Variants in VPS13B observed in about 807,000 individuals in gnomAD.
VPS13B encodes intermembrane lipid transfer protein VPS13B.
In VPS13B, 285 loss-of-function variants were observed where a neutral mutation model predicts 426.4. The ratio of observed to expected loss-of-function variants is 0.67; its 90% confidence interval spans 0.61 to 0.74. VPS13B has a LOEUF of 0.74. Ranked by LOEUF, VPS13B falls within the 30% of genes least tolerant of loss-of-function variation. The probability of loss-of-function intolerance (pLI) is 0.00; values close to 1 mark genes in which losing one functional copy is unlikely to be tolerated. For missense variants in VPS13B, 4,537 were observed against 4,782.6 expected (o/e 0.95, Z 1.51); for synonymous variants, 1,676 against 1,676.4 (o/e 1.00, Z 0.01).
intron 9 of VPS13B, 104 bp downstream of exon 9, chr8:99,134,831 ATGTT>A (rs1176679111): frequency 8.4e-7 from 1 of 1,195,486 alleles, no homozygotes; most frequent in African/African-American, 1.5e-5. Context: ...TACAAGTAAG[ATGTT>A]TGTTTCTTAT....
intron 17 of VPS13B, among the ~76,000 whole-genome samples, chr8:99,256,414 GA>G (rs1272001430): frequency 6.6e-6 from 1 of 152,124 alleles, no homozygotes; most frequent in African/African-American, 2.4e-5. Flanking sequence ...CACATACTTA[GA>G]AGTACAATTG....
At chr8:99,236,315 T>A (rs1346378898) in intron 17 of VPS13B, among the ~76,000 whole-genome samples, 2 of 152,070 alleles carry the variant, frequency 1.3e-5, no homozygotes, top group Non-Finnish European at 2.9e-5. Flanking sequence ...AGTGGCGTGA[T>A]CTCAGCTCAC....
chr8:99,437,781 A>G (rs1408042140), intron 22 of VPS13B, among the ~76,000 whole-genome samples: 3 of 152,154 alleles, frequency 2.0e-5, no homozygotes, highest in African/African-American at 2.4e-5. Flanking sequence ...ATAGATTAGC[A>G]TAAGTTCACC....
intron 2 of VPS13B, among the ~76,000 whole-genome samples, chr8:99,035,636 G>A (rs1024656815): frequency 1.3e-5 from 2 of 152,150 alleles, no homozygotes; most frequent in Admixed American, 6.5e-5. Flanking sequence ...TTGAACATGG[G>A]TGTGTGAATA....
chr8:99,251,259 A>G (rs563665405), intron 17 of VPS13B, among the ~76,000 whole-genome samples: 1 of 152,316 alleles, frequency 6.6e-6, no homozygotes, highest in Admixed American at 6.5e-5. Flanking sequence ...ATAATGGAAA[A>G]CATTCAGTCT....
intron 43 of VPS13B, chr8:99,799,122 A>G (rs1813003185): frequency 6.6e-6 from 1 of 152,324 alleles, no homozygotes; most frequent in East Asian, 1.9e-4. Context: ...AGAGCTTGTT[A>G]TTTAAAGGTC....
At chr8:99,082,501 C>G (rs965711351) in intron 3 of VPS13B, among the ~76,000 whole-genome samples, 1 of 152,092 alleles carries the variant, frequency 6.6e-6, no homozygotes, top group African/African-American at 2.4e-5. Context: ...CTTTTGTTGC[C>G]ATTGCTTTTG....
chr8:99,331,563 GTA>G (rs1287001201), intron 19 of VPS13B, among the ~76,000 whole-genome samples: 2 of 151,662 alleles, frequency 1.3e-5, no homozygotes, highest in Non-Finnish European at 3.0e-5. Context: ...TACTTTACTA[GTA>G]AATCAAGAAA....
At position 99,868,001 on chromosome 8, in the gene VPS13B, T is replaced by C. The variant is rs188550640; in HGVS notation, c.11216-288T>C. 8.3e-4 allele frequency: 324 copies of C among 391,372 alleles called. 1 individual carries two copies. Among genetic ancestry groups the C allele is most frequent in the Non-Finnish European group, 1.8e-4 (37 of 205,552 alleles). 24.2% of individuals were successfully genotyped at this position (391,372 alleles called of 1,614,324 possible). A position where few individuals can be genotyped will look rare whatever the true frequency, so the allele number is the denominator to read the frequency against. On this transcript the variant is annotated intron_variant, in intron 58 of 61. Transcript: ENST00000357162. ...TGCCTGACTTCTGAGGAAAGATGTA[T>C]GGATGACACTCTGAATAGCCTGACA...
At chr8:99,822,780 A>G (rs1024838848) in intron 50 of VPS13B, among the ~76,000 whole-genome samples, 1 of 152,198 alleles carries the variant, frequency 6.6e-6, no homozygotes, top group African/African-American at 2.4e-5. Context: ...TATTTATCAG[A>G]TTAGAAATTA....
At chr8:99,191,337 C>T (rs1196967526) in intron 16 of VPS13B, among the ~76,000 whole-genome samples, 1 of 149,642 alleles carries the variant, frequency 6.7e-6, no homozygotes, top group African/African-American at 2.5e-5. Context: ...GTCCCACGTC[C>T]CATTAAAGCT....
At position 99,103,099 on chromosome 8, in the gene VPS13B, C is replaced by T. The variant is rs367561688; in HGVS notation, c.559C>T (p.Arg187Cys). 58 of 1,613,762 alleles carry T rather than the reference C, an allele frequency of 3.6e-5. No homozygotes were observed. The highest frequency in any genetic ancestry group is 4.7e-5 in the Non-Finnish European group (56 of 1,179,910). Residue 187 changes from arginine to cysteine, a missense_variant, in exon 5 of 62, where the codon CGT (arginine) becomes TGT (cysteine). This residue lies in a region of VPS13B where 226 missense variants were observed against 308.3 expected (regional missense o/e 0.73). Coordinates refer to ENST00000357162, the MANE Select transcript of VPS13B (RefSeq NM_152564.5). ...ECYTVGELWD[R>C]AFMDISATDL... ...TTATACAGTAGGTGAATTATGGGATCGTGCATTCATGGATATTTCTGGTGA... is the reference window on the plus strand; with the variant it reads ...TTATACAGTAGGTGAATTATGGGATTGTGCATTCATGGATATTTCTGGTGA...
Position 99,848,883 on chromosome 8 carries a change from C to T in VPS13B, c.10050C>T (p.Thr3350=). 2 of 1,613,852 alleles carry T rather than the reference C, an allele frequency of 1.2e-6. No individual in the cohort carries two copies. Among genetic ancestry groups the T allele is most frequent in the Non-Finnish European group, 1.7e-6 (2 of 1,179,748 alleles). The change falls in exon 55 of 62, where the codon ACC becomes ACT. Residue 3350 remains threonine (T), a synonymous_variant. Coordinates refer to ENST00000357162, the MANE Select transcript of VPS13B (RefSeq NM_152564.5). ...AAGGAAAAGCAGGACCTATTTTAAC[C>T]AATACCAACAGGTAGGTTTAATTAT... ...APEGKAGPIL[T]NTNRAPEKIV...
chr8:99,369,789 G>A (rs1452734628), intron 19 of VPS13B, among the ~76,000 whole-genome samples: 1 of 152,088 alleles, frequency 6.6e-6, no homozygotes, highest in Non-Finnish European at 1.5e-5. Context: ...TGTTAATATT[G>A]ATTAATAAAA....
At chr8:99,122,748 T>G (rs1434970671) in intron 8 of VPS13B, among the ~76,000 whole-genome samples, 1 of 152,210 alleles carries the variant, frequency 6.6e-6, no homozygotes, top group African/African-American at 2.4e-5. Flanking sequence ...TCCTGCTTTT[T>G]CAAGCTTAAA....
chr8:99,456,220 G>A (rs972003467), intron 23 of VPS13B, among the ~76,000 whole-genome samples: 1 of 152,152 alleles, frequency 6.6e-6, no homozygotes, highest in South Asian at 2.1e-4. Context: ...CCAGACTGGA[G>A]TGTAGTGGCA....
chr8:99,064,649 G>C (rs1458249088), intron 3 of VPS13B, among the ~76,000 whole-genome samples: 2 of 152,220 alleles, frequency 1.3e-5, no homozygotes, highest in African/African-American at 4.8e-5. Flanking sequence ...ACCTGAAAGT[G>C]ATGGGGAGAA....
intron 16 of VPS13B, among the ~76,000 whole-genome samples, chr8:99,192,477 C>A (rs1431381564): frequency 6.6e-6 from 1 of 152,154 alleles, no homozygotes; most frequent in Admixed American, 6.5e-5. Context: ...GTACCTCCCT[C>A]ATAGAGTTAT....
At chr8:99,266,568 A>G (rs972602993) in intron 17 of VPS13B, among the ~76,000 whole-genome samples, 1 of 152,102 alleles carries the variant, frequency 6.6e-6, no homozygotes, top group Admixed American at 6.5e-5. Context: ...CATAATTCCC[A>G]CATGTCACGG....
Sources: allele counts gnomAD v4.1 joint callset (sites outside exome capture counted in the v4.1 genomes callset), GRCh38; gene constraint gnomAD v4.1.1; regional missense constraint gnomAD v4.1.1; transcripts MANE v1.5; gene names NCBI Gene and HGNC (gene_info 2026-07-23, HGNC 2026-07-21).